PRKACB: variants seen among roughly 807,000 people sequenced by gnomAD.
PRKACB encodes the protein cAMP-dependent protein kinase catalytic subunit beta.
Under a neutral mutation model 51.4 loss-of-function variants are expected in PRKACB, and 16 were observed. That is an observed-to-expected ratio of 0.31 (90% CI 0.21 to 0.47). The LOEUF (loss-of-function observed/expected upper bound fraction) is 0.47, where lower values mean the gene tolerates loss of function less well. Ranked by LOEUF, PRKACB falls within the 20% of genes least tolerant of loss-of-function variation. PRKACB has a pLI of 1.00. For synonymous variants in PRKACB, 147 were observed against 154.4 expected, an observed-to-expected ratio of 0.95 and a Z score of 0.35; for missense variants, 309 against 464.5, an observed-to-expected ratio of 0.67 and a Z score of 3.08.
chr1:84,184,626 A>G (rs1572178759), intron 4 of PRKACB, among the ~76,000 whole-genome samples: 1 of 151,918 alleles, frequency 6.6e-6, no homozygotes, highest in Non-Finnish European at 1.5e-5. Flanking sequence ...TTGGAATGAT[A>G]CTGGCATCTC....
chr1:84,087,519 C>G lies in PRKACB; in HGVS notation c.46+9148C>G, dbSNP rs550595585. On this transcript the variant is annotated intron_variant, in intron 1 of 8. Coordinates refer to the PRKACB transcript ENST00000370688. ...ATTCAGGTAGTATTTTTAGCAATTT[C>G]AAAAGCTAGATAATGCTTTTTTACT... Among the ~76,000 whole-genome samples the G allele has an allele frequency of 5.3e-5, 8 of 152,264 alleles. No homozygotes were observed. In the South Asian group the frequency reaches 1.7e-3, roughly 32 times the overall value.
At chr1:84,121,181 C>T (rs1466298169) in intron 1 of PRKACB, among the ~76,000 whole-genome samples, 1 of 151,616 alleles carries the variant, frequency 6.6e-6, no homozygotes, top group Non-Finnish European at 1.5e-5. Flanking sequence ...GGAATTTTTC[C>T]TTTTTTCATG....
intron 3 of PRKACB, among the ~76,000 whole-genome samples, chr1:84,183,238 C>A (rs41300534): frequency 0.016 from 2,388 of 152,018 alleles, 64 homozygotes; most frequent in African/African-American, 0.054. Flanking sequence ...TTGCTAAAGT[C>A]ACCACTTCTT....
intron 7 of PRKACB, among the ~76,000 whole-genome samples, chr1:84,201,695 T>C (rs1220280727): frequency 6.6e-6 from 1 of 152,022 alleles, no homozygotes; most frequent in Non-Finnish European, 1.5e-5. Context: ...AAGGGTGGAA[T>C]GTGGTGAGTC....
chr1:84,225,484 C>T (rs1443752200), intron 9 of PRKACB, among the ~76,000 whole-genome samples: 1 of 152,136 alleles, frequency 6.6e-6, no homozygotes, highest in African/African-American at 2.4e-5. Context: ...TTGGGTCCAG[C>T]CAGCACTGTA....
chr1:84,086,336 A>G, intron 1 of PRKACB: 2 of 725,238 alleles, frequency 2.8e-6, no homozygotes, highest in Non-Finnish European at 4.7e-6. Context: ...CCCAGGCTCC[A>G]GCCATGAGTG....
intron 1 of PRKACB, among the ~76,000 whole-genome samples, chr1:84,173,112 A>G (rs1487302622): frequency 6.6e-6 from 1 of 151,704 alleles, no homozygotes. Flanking sequence ...TAATTTATTA[A>G]CATATTTCCA....
At chr1:84,210,255 TGAA>T (rs1327059566) in intron 8 of PRKACB, among the ~76,000 whole-genome samples, 1 of 152,052 alleles carries the variant, frequency 6.6e-6, no homozygotes, top group East Asian at 1.9e-4. Context: ...TAAATAATAT[TGAA>T]GAAAAAATAT....
chr1:84,120,046 G>A (rs1650939651), intron 1 of PRKACB, among the ~76,000 whole-genome samples: 1 of 151,994 alleles, frequency 6.6e-6, no homozygotes, highest in African/African-American at 2.4e-5. Flanking sequence ...TCAAACAGAA[G>A]TAACTTTCCT....
chr1:84,235,813 A>G lies in PRKACB; in HGVS notation c.*508A>G, dbSNP rs1326246165. The stretch of plus-strand genomic sequence containing the variant: ...CCAAAACTCTTGGTAATTTTTGAAG[A>G]TAGACTGTCTTATCACCAAGGAAAT... On this transcript the variant is annotated 3_prime_UTR_variant, in exon 10 of 10. Coordinates refer to ENST00000370685, the MANE Select transcript of PRKACB (RefSeq NM_182948.4). The G allele has an allele frequency of 6.5e-6, 1 of 153,268 alleles. No individual in the cohort carries two copies. The highest frequency in any genetic ancestry group is 6.5e-5 in the Admixed American group (1 of 15,322). The allele number at this position is 153,268 out of a possible 1,614,324, so 9.5% of individuals were successfully genotyped here.
intron 1 of PRKACB, among the ~76,000 whole-genome samples, chr1:84,158,617 CTT>C (rs1304361041): frequency 6.6e-6 from 1 of 151,434 alleles, no homozygotes; most frequent in Non-Finnish European, 1.5e-5. Context: ...TCTAGTCTGT[CTT>C]ATGTTGTCAT....
chr1:84,106,211 A>T (rs1370542803), intron 1 of PRKACB, among the ~76,000 whole-genome samples: 1 of 152,098 alleles, frequency 6.6e-6, no homozygotes, highest in Non-Finnish European at 1.5e-5. Context: ...GTTTAAAAGT[A>T]TATGGGTGAG....
At chr1:84,162,418 G>A (rs1656314370) in intron 1 of PRKACB, among the ~76,000 whole-genome samples, 2 of 151,738 alleles carry the variant, frequency 1.3e-5, no homozygotes, top group Admixed American at 6.6e-5. Flanking sequence ...ATTCCCATGA[G>A]ATATATGTTG....
intron 5 of PRKACB, among the ~76,000 whole-genome samples, chr1:84,186,778 A>G (rs149963483): frequency 1.6e-3 from 247 of 152,166 alleles, no homozygotes; most frequent in African/African-American, 5.6e-3. Context: ...GGGGGTGTCT[A>G]TGTAGGGACC....
At chr1:84,080,591 T>A (rs1394926539) in intron 1 of PRKACB, among the ~76,000 whole-genome samples, 2 of 152,230 alleles carry the variant, frequency 1.3e-5, no homozygotes, top group African/African-American at 4.8e-5. Context: ...GGAGCAGTGT[T>A]ATCAGGTATA....
Position 84,235,337 on chromosome 1 carries a change from C to T in PRKACB, c.*32C>T. On this transcript the variant is annotated 3_prime_UTR_variant, in exon 10 of 10. Coordinates refer to ENST00000370685, the MANE Select transcript of PRKACB (RefSeq NM_182948.4). Reference sequence around the variant, plus strand: ...ACAAGATGACATCTGAGCTCACACTCAGTGTTTGCACTCTGTTGAGAGATA... The same window carrying T: ...ACAAGATGACATCTGAGCTCACACTTAGTGTTTGCACTCTGTTGAGAGATA... 6.2e-7 allele frequency: 1 copy of T among 1,613,184 alleles called. No homozygotes were observed. The highest frequency in any genetic ancestry group is 8.5e-7 in the Non-Finnish European group (1 of 1,179,478).
At chr1:84,196,549 C>A in intron 5 of PRKACB, 67 bp from the exon 6 acceptor site, 1 of 1,474,706 alleles carries the variant, frequency 6.8e-7, no homozygotes, top group East Asian at 2.4e-5. Flanking sequence ...AGTTTTTATG[C>A]ATAATCTACT....
At chr1:84,192,226 G>T (rs963289784) in intron 5 of PRKACB, among the ~76,000 whole-genome samples, 1 of 152,028 alleles carries the variant, frequency 6.6e-6, no homozygotes, top group Non-Finnish European at 1.5e-5. Context: ...ATTATAGGTA[G>T]AGTAGTTTGA....
chr1:84,092,594 G>A (rs951838327), intron 1 of PRKACB, among the ~76,000 whole-genome samples: 9 of 152,204 alleles, frequency 5.9e-5, no homozygotes, highest in East Asian at 3.9e-4. Context: ...TTGTGTGTGC[G>A]TGAGAGAGAA....
Sources: allele counts gnomAD v4.1 joint callset (sites outside exome capture counted in the v4.1 genomes callset), GRCh38; gene constraint gnomAD v4.1.1; transcripts MANE v1.5; gene names NCBI Gene and HGNC (gene_info 2026-07-23, HGNC 2026-07-21).